Variants in ITGA2 observed in about 807,000 individuals in gnomAD.
The protein encoded by ITGA2 is integrin subunit alpha 2.
ITGA2 carries 101 observed loss-of-function variants against 146.3 expected under a neutral mutation model. That is an observed-to-expected ratio of 0.69 (90% CI 0.59 to 0.81). ITGA2 has a LOEUF of 0.81. ITGA2 is among the 40% of genes least tolerant of loss of function. ITGA2 has a pLI of 0.00. For synonymous variants in ITGA2, 477 were observed against 487.1 expected (o/e 0.98, Z 0.27); for missense variants, 1,281 against 1,402.7 (o/e 0.91, Z 1.39).
chr5:53,024,533 G>T (rs1742844796), intron 1 of ITGA2, among the ~76,000 whole-genome samples: 1 of 152,080 alleles, frequency 6.6e-6, no homozygotes, highest in Admixed American at 6.6e-5. Context: ...ATTTTAGTAG[G>T]CACAGACAAA....
chr5:52,990,027 C>G (rs979676298), intron 1 of ITGA2: 1 of 176,814 alleles, frequency 5.7e-6, no homozygotes, highest in Non-Finnish European at 1.2e-5. Flanking sequence ...TTTGCAGAAG[C>G]CTGCGAGCCC....
At position 53,063,346 on chromosome 5, in the gene ITGA2, A is replaced by G. The variant is rs1194152884; in HGVS notation, c.1602+417A>G. ...GTGAAAAACAGAAGTTTTACCAAGC[A>G]CTTTGTAAATTCCTTGTGATCTCAG... is the stretch of plus-strand genomic sequence containing the variant. On this transcript the variant is annotated intron_variant, in intron 13 of 29. Coordinates refer to ENST00000296585, the MANE Select transcript of ITGA2 (RefSeq NM_002203.4). Among the ~76,000 whole-genome samples the G allele has an allele frequency of 6.6e-5, 10 of 151,914 alleles. No individual in the cohort carries two copies. In the South Asian group the frequency reaches 1.9e-3, roughly 28 times the overall value.
chr5:53,037,068 G>T (rs1304074928), intron 2 of ITGA2, among the ~76,000 whole-genome samples: 1 of 152,174 alleles, frequency 6.6e-6, no homozygotes, highest in African/African-American at 2.4e-5. Flanking sequence ...ACAGACCAAA[G>T]GAAGATATTT....
intron 2 of ITGA2, among the ~76,000 whole-genome samples, chr5:53,040,685 T>A (rs1743749536): frequency 6.6e-6 from 1 of 152,190 alleles, no homozygotes; most frequent in South Asian, 2.1e-4. Context: ...TGAATTAAAG[T>A]GTGCTAGAGT....
At chr5:52,990,595 G>T (rs1740901869) in intron 1 of ITGA2, among the ~76,000 whole-genome samples, 1 of 144,908 alleles carries the variant, frequency 6.9e-6, no homozygotes, top group Non-Finnish European at 1.5e-5. Flanking sequence ...TTACAAAGAA[G>T]ATAAATATTT....
intron 1 of ITGA2, among the ~76,000 whole-genome samples, chr5:53,020,253 G>GA (rs900442997): frequency 6.6e-6 from 1 of 152,080 alleles, no homozygotes; most frequent in Non-Finnish European, 1.5e-5. Context: ...AATAGAGAGA[G>GA]AAAAAACATA....
At chr5:52,997,196 A>C (rs1204545935) in intron 1 of ITGA2, among the ~76,000 whole-genome samples, 1 of 152,224 alleles carries the variant, frequency 6.6e-6, no homozygotes, top group Non-Finnish European at 1.5e-5. Flanking sequence ...ATGATTTTCA[A>C]ATATATTTTA....
chr5:53,031,847 G>C (rs1743242973), intron 2 of ITGA2, among the ~76,000 whole-genome samples: 1 of 152,224 alleles, frequency 6.6e-6, no homozygotes, highest in Non-Finnish European at 1.5e-5. Context: ...TCACACACAG[G>C]ATGTTCCAAT....
intron 27 of ITGA2, among the ~76,000 whole-genome samples, chr5:53,085,823 G>A (rs917510144): frequency 1.3e-5 from 2 of 152,176 alleles, no homozygotes; most frequent in Admixed American, 6.5e-5. Flanking sequence ...ACATCTAAGC[G>A]CTGCATTCCG....
Position 53,020,289 on chromosome 5 carries a change from TATC to T in ITGA2, c.65-6456_65-6454del, listed in dbSNP as rs1742613505. ...GAATCATGGAGAAAATATCACAAGTTATCATACAGATATGAACAAGTTTATACA... is the reference window on the plus strand; with the variant it reads ...GAATCATGGAGAAAATATCACAAGTTATACAGATATGAACAAGTTTATACA... On this transcript the variant is annotated intron_variant, in intron 1 of 29. Transcript: ENST00000296585. Among the ~76,000 whole-genome samples the T allele has an allele frequency of 2.0e-5, 3 of 152,352 alleles. No homozygotes were observed. In the South Asian group the frequency reaches 6.2e-4, roughly 32 times the overall value.
At chr5:53,044,900 T>C in intron 3 of ITGA2, 101 bp from the exon 4 acceptor site, 4 of 808,952 alleles carry the variant, frequency 4.9e-6, no homozygotes, top group Non-Finnish European at 8.6e-6. Flanking sequence ...GACACTAAAT[T>C]CAATGCTACA....
chr5:52,998,768 G>A (rs1225057811), intron 1 of ITGA2, among the ~76,000 whole-genome samples: 1 of 152,106 alleles, frequency 6.6e-6, no homozygotes, highest in Non-Finnish European at 1.5e-5. Flanking sequence ...ATCTTCACTT[G>A]TATCAAGGGT....
chr5:52,994,701 C>G (rs771227251), intron 1 of ITGA2, among the ~76,000 whole-genome samples: 14 of 151,964 alleles, frequency 9.2e-5, no homozygotes, highest in African/African-American at 3.1e-4. Flanking sequence ...GAATTTAAGA[C>G]TATAGTATGT....
intron 6 of ITGA2, among the ~76,000 whole-genome samples, chr5:53,050,748 C>T (rs1195096970): frequency 6.6e-6 from 1 of 152,160 alleles, no homozygotes; most frequent in Non-Finnish European, 1.5e-5. Context: ...AGGGAATGCT[C>T]CCAAACATCT....
intron 1 of ITGA2, among the ~76,000 whole-genome samples, chr5:53,019,882 CAT>C (rs1287668047): frequency 1.3e-5 from 2 of 152,072 alleles, no homozygotes; most frequent in African/African-American, 4.8e-5. Flanking sequence ...GTAATGCTGG[CAT>C]ATTATTATAA....
chr5:53,075,205 A>G lies in ITGA2; in HGVS notation c.2742-16A>G. On this transcript the variant is annotated splice_polypyrimidine_tract_variant and intron_variant, in intron 22 of 29. Transcript: ENST00000296585. ...GTATTTCTCTTTAAGTAATTTCCTA[A>G]TGTTTCTTTCTATAGTGAAAGCCAA... 6.2e-7 allele frequency: 1 copy of G among 1,611,034 alleles called. No homozygotes were observed. The highest frequency in any genetic ancestry group is 8.5e-7 in the Non-Finnish European group (1 of 1,177,826).
chr5:53,044,200 G>A (rs3212453), intron 3 of ITGA2, among the ~76,000 whole-genome samples: 40,348 of 143,864 alleles, frequency 0.28, 5,603 homozygotes, highest in Admixed American at 0.34. Flanking sequence ...GCTAGAACCC[G>A]GGAGGCAGAG....
chr5:53,051,498 T>G lies in ITGA2; in HGVS notation c.718T>G (p.Ser240Ala). Residue 240 changes from serine (S) to alanine (A), a missense_variant, in exon 7 of 30, where the codon TCC becomes GCC. By Grantham distance (99) the Ser-to-Ala change is moderately conservative. Around this residue, in one of 3 missense-constraint regions of ITGA2, gnomAD observed 795 missense variants for 841.7 expected, o/e 0.94. Coordinates refer to ENST00000296585, the MANE Select transcript of ITGA2 (RefSeq NM_002203.4). Reference protein sequence around the residue: ...KTKEEMIVATSQTSQYGGDLT... With the variant: ...KTKEEMIVATAQTSQYGGDLT... ...CAAAGAAGAAATGATTGTAGCAACA[T>G]CCCAGACATCCCAATATGGTGGGGA... 6.2e-7 allele frequency: 1 copy of G among 1,613,606 alleles called. No individual in the cohort carries two copies. The highest frequency in any genetic ancestry group is 1.1e-5 in the South Asian group (1 of 91,070).
chr5:53,066,191 T>C (rs1301203068), intron 15 of ITGA2, among the ~76,000 whole-genome samples: 1 of 151,900 alleles, frequency 6.6e-6, no homozygotes, highest in African/African-American at 2.4e-5. Context: ...TCTCTCCTCA[T>C]ATGGTGAGTA....
Sources: gnomAD v4.1 joint callset for allele counts (sites outside exome capture counted in the v4.1 genomes callset) on GRCh38, gnomAD v4.1.1 for gene constraint, gnomAD v4.1.1 regional missense constraint, MANE v1.5 for transcripts, NCBI Gene and HGNC (gene_info 2026-07-23, HGNC 2026-07-21) for gene names.